The following CCDC33 variants were observed in gnomAD, a reference collection of about 807,000 sequenced individuals.
CCDC33 encodes the protein coiled-coil domain containing 33.
A neutral mutation model predicts 91.9 loss-of-function variants in CCDC33; 94 were observed. The observed-to-expected ratio is 1.02, with a 90% CI of 0.87 to 1.21. The LOEUF is 1.21. Among genes scored for constraint, CCDC33 ranks in the 50% most tolerant of loss-of-function variants. CCDC33 has a pLI of 0.00. For missense variants in CCDC33, 940 were observed against 935.5 expected, an observed-to-expected ratio of 1.00 and a Z score of -0.06; for synonymous variants, 396 against 374.5, an observed-to-expected ratio of 1.06 and a Z score of -0.66.
intron 11 of CCDC33, among the ~76,000 whole-genome samples, chr15:74,298,452 T>G (rs2059730812): frequency 6.6e-6 from 1 of 152,222 alleles, no homozygotes; most frequent in Admixed American, 6.5e-5. Flanking sequence ...TGATTTTCTC[T>G]TAAGAATTAA....
chr15:74,335,814 G>C, intron 18 of CCDC33, 111 bp from the exon 19 acceptor site: 2 of 813,348 alleles, frequency 2.5e-6, no homozygotes, highest in South Asian at 3.2e-5. Flanking sequence ...CCAGGTCATG[G>C]CCCACTGGAT....
Position 74,236,780 on chromosome 15 carries a change from G to A in CCDC33, c.21+40G>A, listed in dbSNP as rs554241875. 161 of 1,606,166 alleles carry A rather than the reference G, an allele frequency of 1.0e-4. 3 individuals carry two copies. Among genetic ancestry groups the A allele is most frequent in the South Asian group, 8.1e-4 (73 of 90,344 alleles). On this transcript the variant is annotated intron_variant, in intron 1 of 18. Transcript: ENST00000398814. ...ATGGGCCATGCACCTGCATGAATCC[G>A]TCCCTCCTTCAAAGTCCTTCCTTCA...
At chr15:74,301,721 G>A (rs2059797927) in intron 11 of CCDC33, 2 of 152,342 alleles carry the variant, frequency 1.3e-5, no homozygotes, top group African/African-American at 4.8e-5. Context: ...GATAAAGAAA[G>A]GCAGATGTGC....
chr15:74,295,290 G>T (rs1441078597), intron 10 of CCDC33, among the ~76,000 whole-genome samples: 1 of 152,222 alleles, frequency 6.6e-6, no homozygotes, highest in Non-Finnish European at 1.5e-5. Flanking sequence ...AAGGAAGGCA[G>T]TTAAGAAGTA....
chr15:74,213,708 G>A (rs1178509068), upstream of CCDC33, among the ~76,000 whole-genome samples: 1 of 152,210 alleles, frequency 6.6e-6, no homozygotes, highest in Non-Finnish European at 1.5e-5. Flanking sequence ...TTGCTGGTCT[G>A]AGCCTGTGAT....
At chr15:74,299,741 A>C (rs1393433673) in intron 11 of CCDC33, 1 of 152,398 alleles carries the variant, frequency 6.6e-6, no homozygotes, top group Non-Finnish European at 1.5e-5. Flanking sequence ...TCCCTTACCC[A>C]TCCCACTCTG....
chr15:74,231,055 A>G (rs1461895431), intron 2 of CCDC33, among the ~76,000 whole-genome samples: 2 of 152,254 alleles, frequency 1.3e-5, no homozygotes, highest in Non-Finnish European at 2.9e-5. Context: ...ACACAGATAC[A>G]CAAGGGTTTA....
chr15:74,280,628 G>A, intron 8 of CCDC33, 40 bp from the exon 9 acceptor site: 1 of 1,434,012 alleles, frequency 7.0e-7, no homozygotes. Context: ...GGCCGAGGTG[G>A]GGGCTTTGGC....
intron 1 of CCDC33, chr15:74,207,715 T>C: frequency 2.0e-6 from 3 of 1,535,726 alleles, no homozygotes; most frequent in Non-Finnish European, 1.7e-6. Context: ...CCCAGTCCCC[T>C]TGAGAGTCCA....
chr15:74,245,530 G>T (rs1183303748), intron 2 of CCDC33, among the ~76,000 whole-genome samples: 1 of 152,196 alleles, frequency 6.6e-6, no homozygotes, highest in African/African-American at 2.4e-5. Context: ...ATCATCTCGG[G>T]AGATTGAGGC....
At chr15:74,264,748 T>C (rs540958316) in intron 3 of CCDC33, among the ~76,000 whole-genome samples, 23 of 152,160 alleles carry the variant, frequency 1.5e-4, no homozygotes, top group African/African-American at 5.3e-4. Flanking sequence ...ACGAGGAGCA[T>C]TTGCACAGAA....
chr15:74,326,873 C>T (rs983292391), intron 11 of CCDC33, among the ~76,000 whole-genome samples: 1 of 152,124 alleles, frequency 6.6e-6, no homozygotes, highest in Non-Finnish European at 1.5e-5. Flanking sequence ...CCTTCCTGTT[C>T]TCAAGGCTGG....
chr15:74,263,977 G>T (rs1413743462), intron 3 of CCDC33, among the ~76,000 whole-genome samples: 1 of 151,868 alleles, frequency 6.6e-6, no homozygotes, highest in Non-Finnish European at 1.5e-5. Flanking sequence ...CTGGGATCCT[G>T]CCCTGGGCTC....
chr15:74,292,297 T>C (rs1415552341), intron 10 of CCDC33, among the ~76,000 whole-genome samples: 2 of 152,186 alleles, frequency 1.3e-5, no homozygotes, highest in Non-Finnish European at 2.9e-5. Context: ...CCATCTCCTA[T>C]GGGTTGGCTC....
chr15:74,277,689 A>G lies in CCDC33; in HGVS notation c.760-2274A>G, dbSNP rs552920378. Among the ~76,000 whole-genome samples, 13 of 152,304 alleles carry G rather than the reference A, an allele frequency of 8.5e-5. No homozygotes were observed. The East Asian group carries it at 1.2e-3, about 14-fold the overall frequency. On this transcript the variant is annotated intron_variant, in intron 7 of 18. Transcript: ENST00000398814. ...CCACCACTCCTGCCTGCACATGCAC[A>G]AGACAGGCTGACCCTCCCTCCCCAG...
At position 74,218,827 on chromosome 15, in the gene CCDC33, C is replaced by T; in HGVS notation, c.641C>T (p.Ser214Leu). The change falls in exon 2 of 3, where the codon TCA becomes TTA. Residue 214 changes from serine (S) to leucine (L), a missense_variant. Coordinates refer to the CCDC33 transcript ENST00000635913. This position sits in a 1 kb window ranked among gnomAD's most constrained non-coding sequence, Gnocchi z 4.8. The stretch of plus-strand genomic sequence containing the variant: ...AGGGCTGGCCAGCCAGAACTGATGT[C>T]ACCATGCCCAGAGCCCCAGCTCCCC... 2 of 1,263,714 alleles carry T rather than the reference C, an allele frequency of 1.6e-6. No homozygotes were observed. The highest frequency in any genetic ancestry group is 2.1e-6 in the Non-Finnish European group (2 of 974,610). The allele number at this position is 1,263,714 out of a possible 1,614,324, so 78.3% of individuals were successfully genotyped here.
rs2075471691 is a variant in CCDC33, at chr15:74,244,913, C to T, written c.185+765C>T. 1.3e-5 allele frequency among the ~76,000 whole-genome samples: 2 copies of T among 152,186 alleles called. No homozygotes were observed. Among genetic ancestry groups the T allele is most frequent in the African/African-American group, 4.8e-5 (2 of 41,452 alleles). On this transcript the variant is annotated intron_variant, in intron 2 of 18. Transcript: ENST00000398814. This position sits in a 1 kb window ranked among gnomAD's most constrained non-coding sequence, Gnocchi z 4.2. ...GAGCCTTGGTGGCCTCCCACCAAGC[C>T]ACCCTATACTTCCCCTCCCCCACCA...
rs769856854 is a variant in CCDC33 at position 74,316,678 on chromosome 15, C to T, written c.1291-13511C>T. Among the ~76,000 whole-genome samples the T allele has an allele frequency of 3.3e-5, 5 of 152,026 alleles. No individual in the cohort carries two copies. The highest frequency in any genetic ancestry group is 3.9e-4 in the East Asian group (2 of 5,174). On this transcript the variant is annotated intron_variant, in intron 11 of 18. Transcript: ENST00000398814. The surrounding 1 kb of genome is among the most constrained non-coding windows in gnomAD (Gnocchi z 4.7). ...ACTGGTGCCATCCAGGGAGGATGGC[C>T]GACTCCACCACGGGCCTCCCTTTCA...
chr15:74,286,685 A>G (rs996566375), intron 10 of CCDC33, among the ~76,000 whole-genome samples: 1 of 152,166 alleles, frequency 6.6e-6, no homozygotes, highest in Non-Finnish European at 1.5e-5. Context: ...TTTGGGATCC[A>G]TCACCTTGCC....
Sources: gnomAD v4.1 joint callset for allele counts (sites outside exome capture counted in the v4.1 genomes callset) on GRCh38, gnomAD v4.1.1 for gene constraint, Gnocchi (gnomAD v3.1) non-coding constraint, MANE v1.5 for transcripts, NCBI Gene and HGNC (gene_info 2026-07-23, HGNC 2026-07-21) for gene names.